Variants in PHIP observed in about 807,000 individuals in gnomAD.
PHIP encodes the protein PHIP subunit of CUL4-Ring ligase complex.
PHIP carries 54 observed loss-of-function variants against 236.8 expected under a neutral mutation model. The observed-to-expected ratio is 0.23, with a 90% CI of 0.18 to 0.29. The LOEUF (loss-of-function observed/expected upper bound fraction) is 0.29. Among genes scored for constraint, PHIP ranks in the 10% least tolerant of loss-of-function variants. The pLI is 1.00. For synonymous variants in PHIP, 756 were observed against 718.9 expected (o/e 1.05, Z -0.83); for missense variants, 1,370 against 2,190.8 (o/e 0.63, Z 7.48).
At chr6:78,990,725 T>C (rs147039091) in intron 20 of PHIP, 143 bp downstream of exon 20, 89 of 473,808 alleles carry the variant, frequency 1.9e-4, no homozygotes, top group African/African-American at 1.5e-3. Context: ...AAACAATAGA[T>C]AATCCAGAGA....
chr6:78,989,132 AG>A (rs1298586195), intron 20 of PHIP, among the ~76,000 whole-genome samples: 1 of 152,206 alleles, frequency 6.6e-6, no homozygotes, highest in African/African-American at 2.4e-5. Context: ...GTGAATACAA[AG>A]GCCAGCCATG....
In PHIP at chr6:79,077,885, C is replaced by T; in HGVS notation, c.69G>A (p.Leu23=). 6.3e-7 allele frequency: 1 copy of T among 1,587,814 alleles called. No individual in the cohort carries two copies. Among genetic ancestry groups the T allele is most frequent in the Non-Finnish European group, 8.6e-7 (1 of 1,168,718 alleles). Reference sequence around the variant, plus strand: ...CCGCCTGCTGACAGGGTCCATCTTCCAGGAACCGGGCGATGAGGAAGTAGA... The same window carrying T: ...CCGCCTGCTGACAGGGTCCATCTTCTAGGAACCGGGCGATGAGGAAGTAGA... ...SELYFLIARF[L]EDGPCQQAAQ... The change falls in exon 2 of 40, where the codon CTG becomes CTA. Residue 23 remains leucine (L), a synonymous_variant. Transcript: ENST00000275034.
Position 78,936,041 on chromosome 6 carries a change from T to G in PHIP, c.*4652A>C, listed in dbSNP as rs1341022955. The G allele has an allele frequency of 6.6e-6, 1 of 151,996 alleles. No individual in the cohort carries two copies. The highest frequency in any genetic ancestry group is 1.5e-5 in the Non-Finnish European group (1 of 67,906). The allele number at this position is 151,996 out of a possible 1,614,324, so 9.4% of individuals were successfully genotyped here. On this transcript the variant is annotated 3_prime_UTR_variant, in exon 40 of 40. Transcript: ENST00000275034. The stretch of plus-strand genomic sequence containing the variant: ...ACAGTAAAGAAAGGTCCAATCAGTA[T>G]GTACAAAAAGAAAGGGCACTGCTAT...
intron 35 of PHIP, among the ~76,000 whole-genome samples, chr6:78,954,200 C>T (rs1013081183): frequency 3.9e-5 from 6 of 152,196 alleles, no homozygotes; most frequent in African/African-American, 1.4e-4. Context: ...CTCCCGGGTT[C>T]ACGCCATTCT....
At chr6:79,054,147 T>A (rs1772945994) in intron 6 of PHIP, among the ~76,000 whole-genome samples, 1 of 149,158 alleles carries the variant, frequency 6.7e-6, no homozygotes. Context: ...ACCTTGCAAG[T>A]CTCTCACAGC....
intron 35 of PHIP, 81 bp from the exon 36 acceptor site, chr6:78,947,856 T>G: frequency 5.4e-6 from 5 of 928,360 alleles, no homozygotes; most frequent in Non-Finnish European, 8.3e-6. Context: ...GCACAGGATT[T>G]TTATGATGAC....
At chr6:78,950,403 A>G (rs1005078407) in intron 35 of PHIP, among the ~76,000 whole-genome samples, 5 of 152,192 alleles carry the variant, frequency 3.3e-5, no homozygotes, top group Non-Finnish European at 7.4e-5. Context: ...ATCTTCTGGA[A>G]GAGATTGTGT....
At chr6:78,952,433 A>G (rs1766100867) in intron 35 of PHIP, among the ~76,000 whole-genome samples, 1 of 151,080 alleles carries the variant, frequency 6.6e-6, no homozygotes, top group Middle Eastern at 3.4e-3. Flanking sequence ...AAAAAGAAAA[A>G]AAAAAAAGAA....
At chr6:79,017,847 C>A (rs1221908855) in intron 10 of PHIP, among the ~76,000 whole-genome samples, 3 of 151,810 alleles carry the variant, frequency 2.0e-5, no homozygotes, top group Non-Finnish European at 4.4e-5. Context: ...GAATATATAA[C>A]CATACCATGT....
At chr6:79,034,521 G>A (rs1383749771) in intron 7 of PHIP, among the ~76,000 whole-genome samples, 1 of 152,126 alleles carries the variant, frequency 6.6e-6, no homozygotes, top group Non-Finnish European at 1.5e-5. Context: ...TAAAGTCTAT[G>A]CCCCCAAATT....
At chr6:79,060,063 T>C (rs977542090) in intron 6 of PHIP, among the ~76,000 whole-genome samples, 2 of 149,368 alleles carry the variant, frequency 1.3e-5, no homozygotes, top group East Asian at 4.0e-4. Context: ...CAAGAAGACA[T>C]ACTTGCATCA....
chr6:78,946,455 T>C (rs1773823549), intron 37 of PHIP, 195 bp from the exon 38 acceptor site: 1 of 1,403,576 alleles, frequency 7.1e-7, no homozygotes, highest in Admixed American at 3.2e-5. Flanking sequence ...GCTAAAGTTA[T>C]ATGACGGAAA....
intron 4 of PHIP, among the ~76,000 whole-genome samples, chr6:79,068,435 C>A (rs1464338465): frequency 6.6e-6 from 1 of 152,094 alleles, no homozygotes; most frequent in African/African-American, 2.4e-5. Flanking sequence ...TGCACACCAG[C>A]CTGAGTGACA....
At chr6:78,973,977 A>C (rs1281634427) in intron 24 of PHIP, among the ~76,000 whole-genome samples, 1 of 152,140 alleles carries the variant, frequency 6.6e-6, no homozygotes, top group East Asian at 1.9e-4. Context: ...CGAGACAGAA[A>C]GTTAACAAGG....
chr6:79,041,408 T>G (rs1772206125), intron 7 of PHIP, among the ~76,000 whole-genome samples: 1 of 152,082 alleles, frequency 6.6e-6, no homozygotes, highest in Admixed American at 6.6e-5. Context: ...AAATGCTTCA[T>G]AAAATATGAT....
chr6:79,002,587 G>A (rs1562170144), intron 16 of PHIP, among the ~76,000 whole-genome samples: 1 of 152,170 alleles, frequency 6.6e-6, no homozygotes, highest in Non-Finnish European at 1.5e-5. Flanking sequence ...ACCCATTACT[G>A]TATAGGAAAA....
intron 24 of PHIP, among the ~76,000 whole-genome samples, chr6:78,973,078 G>C (rs1767724559): frequency 6.6e-6 from 1 of 152,106 alleles, no homozygotes. Context: ...ATAATTGTCA[G>C]ATTCACCAAA....
At chr6:79,051,575 T>C (rs995199022) in intron 6 of PHIP, among the ~76,000 whole-genome samples, 7 of 152,146 alleles carry the variant, frequency 4.6e-5, no homozygotes, top group Non-Finnish European at 2.9e-5. Context: ...AAACATACTA[T>C]GTTTTTAAAA....
In PHIP at chr6:78,970,047, A is replaced by G; in HGVS notation, c.3122+2T>C. The G allele has an allele frequency of 6.2e-7, 1 of 1,613,368 alleles. No individual in the cohort carries two copies. Among genetic ancestry groups the G allele is most frequent in the Non-Finnish European group, 8.5e-7 (1 of 1,179,620 alleles). On this transcript the variant is annotated splice_donor_variant, in intron 26 of 39. Transcript: ENST00000275034. LOFTEE classifies it high-confidence loss of function. ...ACCATTGCCTCTTTCAACAGTCCTT[A>G]CTTCATGGTAAATGATCCGCCAGTC...
Sources: allele counts gnomAD v4.1 joint callset (sites outside exome capture counted in the v4.1 genomes callset), GRCh38; gene constraint gnomAD v4.1.1; transcripts MANE v1.5; gene names NCBI Gene and HGNC (gene_info 2026-07-23, HGNC 2026-07-21).